Variants in FBXL5 observed in about 807,000 individuals in gnomAD.
FBXL5 encodes F-box/LRR-repeat protein 5.
Under a neutral mutation model 78.3 loss-of-function variants are expected in FBXL5, and 26 were observed. The ratio of observed to expected loss-of-function variants is 0.33; its 90% CI spans 0.24 to 0.46. The LOEUF is 0.46. Ranked by LOEUF, FBXL5 falls within the 20% of genes least tolerant of loss-of-function variation. FBXL5 has a pLI of 1.00. For missense variants in FBXL5, 710 were observed against 829.2 expected, an observed-to-expected ratio of 0.86 and a Z score of 1.77; for synonymous variants, 295 against 282.5, an observed-to-expected ratio of 1.04 and a Z score of -0.45.
upstream of FBXL5, among the ~76,000 whole-genome samples, chr4:15,660,597 G>A (rs1215862139): frequency 6.6e-6 from 1 of 152,078 alleles, no homozygotes; most frequent in East Asian, 1.9e-4. Context: ...CAAGATCTAG[G>A]GCAAATCACT....
intron 9 of FBXL5, among the ~76,000 whole-genome samples, chr4:15,616,090 G>A (rs879394719): frequency 7.2e-5 from 11 of 151,956 alleles, no homozygotes; most frequent in South Asian, 2.1e-4. Context: ...CACTCACCGC[G>A]AAGGTCTGCA....
At chr4:15,680,469 G>A (rs987267185) in intron 1 of FBXL5, among the ~76,000 whole-genome samples, 5 of 152,094 alleles carry the variant, frequency 3.3e-5, no homozygotes, top group Non-Finnish European at 5.9e-5. Flanking sequence ...TCAGGAGTTC[G>A]AGACCAGCCT....
chr4:15,629,577 C>T (rs1713412444), intron 6 of FBXL5, among the ~76,000 whole-genome samples: 1 of 152,078 alleles, frequency 6.6e-6, no homozygotes, highest in South Asian at 2.1e-4. Flanking sequence ...GCTCAACAAG[C>T]GCCAGTTTTG....
chr4:15,619,933 A>G (rs1218431025), intron 9 of FBXL5, among the ~76,000 whole-genome samples: 1 of 152,160 alleles, frequency 6.6e-6, no homozygotes, highest in African/African-American at 2.4e-5. Context: ...CAGCAGGCCA[A>G]GTACACATGC....
At chr4:15,642,246 T>G (rs1714961081) in intron 2 of FBXL5, among the ~76,000 whole-genome samples, 1 of 149,642 alleles carries the variant, frequency 6.7e-6, no homozygotes, top group Non-Finnish European at 1.5e-5. Flanking sequence ...ATGAAAACTT[T>G]TTTTTTTTTT....
chr4:15,655,884 C>A (rs1716879193), upstream of FBXL5, among the ~76,000 whole-genome samples: 1 of 152,238 alleles, frequency 6.6e-6, no homozygotes, highest in African/African-American at 2.4e-5. Flanking sequence ...AAAGGCCGGG[C>A]CTGGCTCCCA....
intron 4 of FBXL5, among the ~76,000 whole-genome samples, chr4:15,637,209 G>A (rs1029768959): frequency 2.6e-5 from 4 of 152,166 alleles, no homozygotes; most frequent in Non-Finnish European, 4.4e-5. Flanking sequence ...TTAACCTAGA[G>A]ATGCTTTAAA....
At chr4:15,662,731 T>C (rs1717371450), upstream of FBXL5, among the ~76,000 whole-genome samples, 1 of 152,260 alleles carries the variant, frequency 6.6e-6, no homozygotes, top group Admixed American at 6.5e-5. Flanking sequence ...CCATTATCTT[T>C]ATGTAATCTA....
intron 1 of FBXL5, among the ~76,000 whole-genome samples, chr4:15,654,226 A>T (rs1716529683): frequency 6.6e-6 from 1 of 152,236 alleles, no homozygotes; most frequent in Non-Finnish European, 1.5e-5. Context: ...TTCTATGCTT[A>T]AACAGTAGTC....
chr4:15,636,011 G>A (rs948278216), intron 5 of FBXL5, among the ~76,000 whole-genome samples: 15 of 152,002 alleles, frequency 9.9e-5, no homozygotes, highest in Admixed American at 9.2e-4. Flanking sequence ...CAATTATTTT[G>A]AGCCATCACC....
At chr4:15,613,786 T>C (rs1353891109) in intron 9 of FBXL5, among the ~76,000 whole-genome samples, 1 of 152,138 alleles carries the variant, frequency 6.6e-6, no homozygotes, top group Non-Finnish European at 1.5e-5. Flanking sequence ...GCTGAGATTG[T>C]TTTTTATTTA....
chr4:15,616,525 T>C (rs1422160764), intron 9 of FBXL5, among the ~76,000 whole-genome samples: 1 of 152,210 alleles, frequency 6.6e-6, no homozygotes, highest in East Asian at 1.9e-4. Flanking sequence ...GCTTCTGTGC[T>C]CGTATCTGAA....
chr4:15,657,416 T>C (rs1033877630), upstream of FBXL5, among the ~76,000 whole-genome samples: 1 of 152,242 alleles, frequency 6.6e-6, no homozygotes, highest in South Asian at 2.1e-4. Flanking sequence ...TGCTATGTTG[T>C]CTTGTCCAAT....
At chr4:15,642,513 C>T (rs772352862) in intron 2 of FBXL5, among the ~76,000 whole-genome samples, 11 of 152,000 alleles carry the variant, frequency 7.2e-5, no homozygotes, top group Non-Finnish European at 1.3e-4. Context: ...TAGAATTACA[C>T]GGATGAGCCA....
chr4:15,670,144 T>C (rs1028738466), intron 1 of FBXL5, among the ~76,000 whole-genome samples: 1 of 152,240 alleles, frequency 6.6e-6, no homozygotes, highest in African/African-American at 2.4e-5. Flanking sequence ...TTCTCATATG[T>C]GTTCCATTGT....
At chr4:15,624,320 G>A (rs1362507779) in intron 9 of FBXL5, among the ~76,000 whole-genome samples, 1 of 152,054 alleles carries the variant, frequency 6.6e-6, no homozygotes, top group African/African-American at 2.4e-5. Flanking sequence ...GTGTATCATT[G>A]TTAGATGCCT....
intron 1 of FBXL5, among the ~76,000 whole-genome samples, chr4:15,651,792 G>A (rs1337161235): frequency 6.6e-6 from 1 of 152,012 alleles, no homozygotes; most frequent in Non-Finnish European, 1.5e-5. Flanking sequence ...ACACCTTAAG[G>A]CCTCCACCAC....
At chr4:15,663,907 T>C (rs1054525758), upstream of FBXL5, among the ~76,000 whole-genome samples, 24 of 152,226 alleles carry the variant, frequency 1.6e-4, no homozygotes, top group African/African-American at 5.3e-4. Flanking sequence ...CAAACAAACC[T>C]GAGTGCAAGT....
At chr4:15,640,301 T>C (rs541750549) in intron 3 of FBXL5, among the ~76,000 whole-genome samples, 25 of 149,544 alleles carry the variant, frequency 1.7e-4, no homozygotes, top group African/African-American at 5.9e-4. Context: ...CTGCCTCAGC[T>C]TCCCAAGTGC....
Sources: allele counts gnomAD v4.1 joint callset (sites outside exome capture counted in the v4.1 genomes callset), GRCh38; gene constraint gnomAD v4.1.1; transcripts MANE v1.5; gene names NCBI Gene and HGNC (gene_info 2026-07-23, HGNC 2026-07-21).